The following NAT2 variants were observed in gnomAD, a reference collection of about 807,000 sequenced individuals.
The protein encoded by NAT2 is N-acetyltransferase 2.
For synonymous variants in NAT2, 137 were observed against 125.9 expected (o/e 1.09, Z -0.59); for missense variants, 428 against 339.1 (o/e 1.26, Z -2.06).
At position 18,400,156 on chromosome 8, in the gene NAT2, C is replaced by G. The variant is rs527756685; in HGVS notation, c.153C>G (p.Gly51=). The G allele has an allele frequency of 3.7e-6, 6 of 1,613,818 alleles. No homozygotes were observed. The East Asian group carries it at 1.1e-4, about 30-fold the overall frequency. The change falls in exon 2 of 2, where the codon GGC becomes GGG. Residue 51 remains glycine, a synonymous_variant. Coordinates refer to ENST00000286479, the MANE Select transcript of NAT2 (RefSeq NM_000015.3). ...NMHCGQAMEL[G]LEAIFDHIVR... is the part of the protein sequence containing the mutation. ...ATTGTGGGCAAGCCATGGAGTTGGG[C>G]TTAGAGGCTATTTTTGATCACATTG...
intron 1 of NAT2, among the ~76,000 whole-genome samples, chr8:18,397,459 G>T (rs528972270): frequency 1.3e-5 from 2 of 152,120 alleles, no homozygotes; most frequent in African/African-American, 4.8e-5. Flanking sequence ...TAAGATGACT[G>T]GTAATCTAAG....
chr8:18,394,807 CT>C (rs1310839025), intron 1 of NAT2, among the ~76,000 whole-genome samples: 1 of 152,152 alleles, frequency 6.6e-6, no homozygotes, highest in Non-Finnish European at 1.5e-5. Context: ...TTTGTCTCCA[CT>C]TGTGGCCTGT....
upstream of NAT2, among the ~76,000 whole-genome samples, chr8:18,389,629 G>A (rs1179973814): frequency 1.3e-5 from 2 of 152,214 alleles, no homozygotes; most frequent in Admixed American, 6.5e-5. Flanking sequence ...TTCTATACAA[G>A]AGGACAGAAA....
chr8:18,388,704 ACT>A (rs1341198630), upstream of NAT2, among the ~76,000 whole-genome samples: 1 of 152,128 alleles, frequency 6.6e-6, no homozygotes, highest in Non-Finnish European at 1.5e-5. Flanking sequence ...GACATAACTA[ACT>A]CTAATGCTTT....
At chr8:18,395,696 AAGCCAAGGTAAT>A (rs1356372928) in intron 1 of NAT2, among the ~76,000 whole-genome samples, 2 of 152,174 alleles carry the variant, frequency 1.3e-5, no homozygotes, top group African/African-American at 2.4e-5. Context: ...CATATATTAA[AAGCCAAGGTAAT>A]AGCTTTGGAG....
chr8:18,390,049 G>A (rs1489375356), upstream of NAT2, among the ~76,000 whole-genome samples: 1 of 152,204 alleles, frequency 6.6e-6, no homozygotes, highest in African/African-American at 2.4e-5. Flanking sequence ...AGGCAGTTTT[G>A]TACATGCCTA....
upstream of NAT2, among the ~76,000 whole-genome samples, chr8:18,388,066 A>G (rs2117607880): frequency 6.6e-6 from 1 of 152,312 alleles, no homozygotes; most frequent in South Asian, 2.1e-4. Context: ...TTCTGCCAGG[A>G]GCATGAAGAG....
At chr8:18,397,810 A>G (rs1800719099) in intron 1 of NAT2, among the ~76,000 whole-genome samples, 1 of 151,992 alleles carries the variant, frequency 6.6e-6, no homozygotes, top group Non-Finnish European at 1.5e-5. Context: ...CCTTTTCTTC[A>G]TTTGAGAATA....
upstream of NAT2, among the ~76,000 whole-genome samples, chr8:18,386,636 G>C (rs369956671): frequency 2.0e-5 from 3 of 152,242 alleles, no homozygotes; most frequent in African/African-American, 7.2e-5. Flanking sequence ...AATTGGCAAA[G>C]GACATTCTCT....
chr8:18,400,369 T>C lies in NAT2; in HGVS notation c.366T>C (p.Asp122=). The change falls in exon 2 of 2, where the codon GAT becomes GAC. Residue 122 remains aspartate (D), a synonymous_variant. Coordinates refer to ENST00000286479, the MANE Select transcript of NAT2 (RefSeq NM_000015.3). ...VTIDGRNYIV[D]AGSGSSSQMW... ...TTGACGGCAGGAATTACATTGTCGA[T>C]GCTGGGTCTGGAAGCTCCTCCCAGA... The C allele has an allele frequency of 6.2e-7, 1 of 1,612,758 alleles. No homozygotes were observed. Among genetic ancestry groups the C allele is most frequent in the Non-Finnish European group, 8.5e-7 (1 of 1,179,424 alleles).
upstream of NAT2, among the ~76,000 whole-genome samples, chr8:18,386,735 G>T (rs1800511338): frequency 1.3e-5 from 2 of 152,104 alleles, no homozygotes; most frequent in Admixed American, 1.3e-4. Flanking sequence ...CCCGTACCAA[G>T]GTTCCTCTTC....
rs962069455 is a variant in NAT2, at chr8:18,401,088, G to A, written c.*212G>A. The stretch of plus-strand genomic sequence containing the variant: ...CATTTTCAAATTAATAAAAATAAAG[G>A]CATTTTAAGGATGGCCTGTGATTAT... On this transcript the variant is annotated 3_prime_UTR_variant, in exon 2 of 2. Coordinates refer to ENST00000286479, the MANE Select transcript of NAT2 (RefSeq NM_000015.3). 9 of 411,682 alleles carry A rather than the reference G, an allele frequency of 2.2e-5. No homozygotes were observed. Among genetic ancestry groups the A allele is most frequent in the African/African-American group, 6.2e-5 (3 of 48,302 alleles). The allele number at this position is 411,682 out of a possible 1,614,324, so 25.5% of individuals were successfully genotyped here.
In NAT2 at chr8:18,400,063, C is replaced by T. The variant is rs984174803; in HGVS notation, c.60C>T (p.Asp20=). The change falls in exon 2 of 2, where the codon GAC becomes GAT. Residue 20 remains aspartate, a synonymous_variant. Coordinates refer to ENST00000286479, the MANE Select transcript of NAT2 (RefSeq NM_000015.3). ...IGYKNSRNKL[D]LETLTDILEH... The stretch of plus-strand genomic sequence containing the variant: ...ATAAGAACTCTAGGAACAAATTGGA[C>T]TTGGAAACATTAACTGACATTCTTG... The T allele has an allele frequency of 1.2e-6, 2 of 1,612,672 alleles. No homozygotes were observed. The highest frequency in any genetic ancestry group is 2.7e-5 in the African/African-American group (2 of 74,858).
chr8:18,398,565 G>C (rs1218414487), intron 1 of NAT2, among the ~76,000 whole-genome samples: 1 of 152,116 alleles, frequency 6.6e-6, no homozygotes, highest in Non-Finnish European at 1.5e-5. Flanking sequence ...TTTACCTTGG[G>C]GCACTGTCTT....
At chr8:18,390,258 G>C (rs1023101236), upstream of NAT2, among the ~76,000 whole-genome samples, 1 of 152,148 alleles carries the variant, frequency 6.6e-6, no homozygotes, top group Non-Finnish European at 1.5e-5. Flanking sequence ...GGTGCTAAAG[G>C]CAACAATTAC....
rs185870259 is a variant in NAT2, at chr8:18,393,426, G to C, written c.-7+2081G>C. Among the ~76,000 whole-genome samples, 3 of 152,136 alleles carry C rather than the reference G, an allele frequency of 2.0e-5. No individual in the cohort carries two copies. The East Asian group carries it at 5.8e-4, about 29-fold the overall frequency. The stretch of plus-strand genomic sequence containing the variant: ...GGTTTAGGCCTTTAGACGTAATGTA[G>C]GCAATCAGATTTCTAGTAGGAGGCA... On this transcript the variant is annotated intron_variant, in intron 1 of 1. Coordinates refer to ENST00000286479, the MANE Select transcript of NAT2 (RefSeq NM_000015.3).
rs751374116 is a variant in NAT2 at position 18,400,249 on chromosome 8, C to A, written c.246C>A (p.Ile82=). The change falls in exon 2 of 2, where the codon ATC becomes ATA. Residue 82 remains isoleucine, a synonymous_variant. Transcript: ENST00000286479. ...TTCTGTACTGGGCTCTGACCACAAT[C>A]GGTTTTCAGACCACAATGTTAGGAG... ...NQLLYWALTT[I]GFQTTMLGGY... 2 of 1,612,324 alleles carry A rather than the reference C, an allele frequency of 1.2e-6. No individual in the cohort carries two copies. Among genetic ancestry groups the A allele is most frequent in the East Asian group, 4.5e-5 (2 of 44,860 alleles).
upstream of NAT2, among the ~76,000 whole-genome samples, chr8:18,388,076 G>C (rs1409215998): frequency 6.6e-6 from 1 of 152,234 alleles, no homozygotes; most frequent in Non-Finnish European, 1.5e-5. Context: ...AGCATGAAGA[G>C]ACTATTCTCC....
At chr8:18,386,507 G>A (rs1489903428), upstream of NAT2, among the ~76,000 whole-genome samples, 1 of 152,202 alleles carries the variant, frequency 6.6e-6, no homozygotes, top group Non-Finnish European at 1.5e-5. Flanking sequence ...GAAGACCATG[G>A]TGTTCTGTCC....
Sources: gnomAD v4.1 joint callset for allele counts (sites outside exome capture counted in the v4.1 genomes callset) on GRCh38, gnomAD v4.1.1 for gene constraint, MANE v1.5 for transcripts, NCBI Gene and HGNC (gene_info 2026-07-23, HGNC 2026-07-21) for gene names.